Variants in TYW1 observed in about 807,000 individuals in gnomAD.
TYW1 encodes the protein tRNA-yW synthesizing protein 1 homolog.
Under a neutral mutation model 96.2 loss-of-function variants are expected in TYW1, and 46 were observed. The ratio of observed to expected loss-of-function variants is 0.48; its 90% CI spans 0.38 to 0.61. The LOEUF is 0.61. Among genes scored for constraint, TYW1 ranks in the 20% least tolerant of loss-of-function variants. The pLI is 0.00. For synonymous variants in TYW1, 274 were observed against 323.0 expected, an observed-to-expected ratio of 0.85 and a Z score of 1.63; for missense variants, 684 against 909.6, an observed-to-expected ratio of 0.75 and a Z score of 3.19.
intron 3 of TYW1, among the ~76,000 whole-genome samples, chr7:67,001,765 G>A (rs1793400432): frequency 6.6e-6 from 1 of 151,182 alleles, no homozygotes; most frequent in Non-Finnish European, 1.5e-5. Context: ...TGGCGTGGTG[G>A]CTCATGCCTG....
chr7:67,210,893 T>TATCCAACC (rs1480829496), intron 15 of TYW1, among the ~76,000 whole-genome samples: 58 of 141,278 alleles, frequency 4.1e-4, no homozygotes, highest in Middle Eastern at 3.8e-3. Flanking sequence ...TCCATCCATC[T>TATCCAACC]ATCCATCTGT....
At chr7:67,180,200 T>C (rs1211068837) in intron 13 of TYW1, among the ~76,000 whole-genome samples, 1 of 130,982 alleles carries the variant, frequency 7.6e-6, no homozygotes, top group Admixed American at 7.7e-5. Flanking sequence ...ATTGCTGGCA[T>C]ATAATAGCTA....
At position 67,100,850 on chromosome 7, in the gene TYW1, C is replaced by CAAA. The variant is rs57665696; in HGVS notation, c.1562+2149_1562+2151dup. Among the ~76,000 whole-genome samples, 743 of 75,398 alleles carry CAAA rather than the reference C, an allele frequency of 9.9e-3. 20 individuals are homozygous for CAAA. The highest frequency in any genetic ancestry group is 0.03 in the African/African-American group (565 of 18,624). 49.5% of individuals were successfully genotyped at this position (75,398 alleles called of 152,430 possible). Reference sequence around the variant, plus strand: ...CTGCACTCCAGCCTGGGCTACAGAGCAAAAAAAAAAAAAAAAAAAGAGTTA... The same window carrying CAAA: ...CTGCACTCCAGCCTGGGCTACAGAGCAAAAAAAAAAAAAAAAAAAAAAGAGTTA... On this transcript the variant is annotated intron_variant, in intron 12 of 15. Transcript: ENST00000359626.
Position 67,094,651 on chromosome 7 carries a change from A to AGTGTGTGTGTGTGT in TYW1, c.1385-3863_1385-3850dup, listed in dbSNP as rs56069939. Among the ~76,000 whole-genome samples, 82 of 141,714 alleles carry AGTGTGTGTGTGTGT rather than the reference A, an allele frequency of 5.8e-4. 1 individual carries two copies. The highest frequency in any genetic ancestry group is 1.9e-3 in the African/African-American group (74 of 38,712). 93.0% of individuals were successfully genotyped at this position (141,714 alleles called of 152,430 possible). The stretch of plus-strand genomic sequence containing the variant: ...GGGAGGAAGAGAGAGAGAGAATTAG[A>AGTGTGTGTGTGTGT]GTGTGTGTGTGTGTGTGTGTGTGTG... On this transcript the variant is annotated intron_variant, in intron 11 of 15. Coordinates refer to ENST00000359626, the MANE Select transcript of TYW1 (RefSeq NM_018264.4).
chr7:67,221,196 ATAGT>A (rs1801382304), intron 15 of TYW1, among the ~76,000 whole-genome samples: 1 of 152,160 alleles, frequency 6.6e-6, no homozygotes, highest in African/African-American at 2.4e-5. Flanking sequence ...AATGTTTATA[ATAGT>A]TATATGTTCT....
At chr7:67,088,492 A>C (rs1796614987) in intron 11 of TYW1, among the ~76,000 whole-genome samples, 2 of 152,248 alleles carry the variant, frequency 1.3e-5, no homozygotes, top group Non-Finnish European at 2.9e-5. Context: ...GATAACTTTG[A>C]CAGCATTATA....
chr7:67,159,783 A>AATTTTATTTTATTTTATTTT (rs3071679), intron 13 of TYW1, among the ~76,000 whole-genome samples: 2 of 147,530 alleles, frequency 1.4e-5, no homozygotes. Flanking sequence ...AATATCACAA[A>AATTTTATTTTATTTTATTTT]ATTTTATTTT....
chr7:67,208,553 G>T (rs1800889047), intron 15 of TYW1, among the ~76,000 whole-genome samples: 1 of 151,992 alleles, frequency 6.6e-6, no homozygotes, highest in Non-Finnish European at 1.5e-5. Flanking sequence ...AACCAGGCGT[G>T]GTGGCGCGTG....
At chr7:67,047,531 T>C (rs1026346429) in intron 7 of TYW1, among the ~76,000 whole-genome samples, 2 of 152,188 alleles carry the variant, frequency 1.3e-5, no homozygotes, top group African/African-American at 4.8e-5. Flanking sequence ...TCCAGTAATG[T>C]GTAATTAAGA....
At chr7:67,030,467 T>TA (rs1183266462) in intron 7 of TYW1, among the ~76,000 whole-genome samples, 1 of 151,902 alleles carries the variant, frequency 6.6e-6, no homozygotes, top group Non-Finnish European at 1.5e-5. Context: ...CCATCTCTAT[T>TA]AAAAAAATAC....
At chr7:67,024,752 G>A (rs1794390965) in intron 6 of TYW1, 148 bp from the exon 7 acceptor site, 1 of 1,311,010 alleles carries the variant, frequency 7.6e-7, no homozygotes, top group Non-Finnish European at 1.0e-6. Context: ...CTGTGCTCCA[G>A]CCTGGGCGAC....
chr7:67,236,297 G>C (rs1038313686), intron 15 of TYW1, among the ~76,000 whole-genome samples: 1 of 152,160 alleles, frequency 6.6e-6, no homozygotes, highest in Non-Finnish European at 1.5e-5. Flanking sequence ...TTCTGCTGTC[G>C]GCACAGTCTC....
intron 13 of TYW1, among the ~76,000 whole-genome samples, chr7:67,141,602 G>A (rs928928172): frequency 6.6e-5 from 10 of 152,190 alleles, no homozygotes; most frequent in African/African-American, 2.4e-4. Context: ...CTCAGAAAGC[G>A]AGCAGAGTGT....
intron 13 of TYW1, among the ~76,000 whole-genome samples, chr7:67,122,554 A>G (rs1797790808): frequency 6.6e-6 from 1 of 152,242 alleles, no homozygotes; most frequent in South Asian, 2.1e-4. Context: ...AGTAATTAAC[A>G]TTTGAAGTAC....
At chr7:67,214,202 CATAT>C (rs999595148) in intron 15 of TYW1, among the ~76,000 whole-genome samples, 1 of 152,020 alleles carries the variant, frequency 6.6e-6, no homozygotes, top group African/African-American at 2.4e-5. Context: ...TTGTTTTCTA[CATAT>C]ATATATCCTG....
intron 7 of TYW1, among the ~76,000 whole-genome samples, chr7:67,039,559 A>G (rs1347687182): frequency 6.6e-6 from 1 of 152,148 alleles, no homozygotes; most frequent in African/African-American, 2.4e-5. Flanking sequence ...AACCTTCCCT[A>G]GCTTTAATCT....
At position 67,059,339 on chromosome 7, in the gene TYW1, G is replaced by A. The variant is rs188752221; in HGVS notation, c.1155+3452G>A. ...AGGATGGTCTCGATCTCCTGACCTC[G>A]TGATCCACCTACCTTGGTCTCCCAA... On this transcript the variant is annotated intron_variant, in intron 9 of 15. Coordinates refer to ENST00000359626, the MANE Select transcript of TYW1 (RefSeq NM_018264.4). Among the ~76,000 whole-genome samples, 1,415 of 151,516 alleles carry A rather than the reference G, an allele frequency of 9.3e-3. 10 individuals are homozygous for A. The highest frequency in any genetic ancestry group is 0.015 in the Non-Finnish European group (1,039 of 67,866).
At chr7:67,146,549 A>C (rs142238782) in intron 13 of TYW1, among the ~76,000 whole-genome samples, 1 of 152,110 alleles carries the variant, frequency 6.6e-6, no homozygotes, top group East Asian at 1.9e-4. Flanking sequence ...AAGCCCAACC[A>C]CTTGGTAATT....
intron 10 of TYW1, among the ~76,000 whole-genome samples, chr7:67,071,765 C>T (rs1271165747): frequency 4.0e-5 from 6 of 151,860 alleles, no homozygotes; most frequent in South Asian, 2.1e-4. Flanking sequence ...GGATTGCAGG[C>T]GCCCGCCACC....
Sources: allele counts gnomAD v4.1 joint callset (sites outside exome capture counted in the v4.1 genomes callset), GRCh38; gene constraint gnomAD v4.1.1; transcripts MANE v1.5; gene names NCBI Gene and HGNC (gene_info 2026-07-23, HGNC 2026-07-21).